Variants in COL24A1 observed in about 807,000 individuals in gnomAD.
COL24A1 encodes collagen alpha-1(XXIV) chain.
COL24A1 carries 224 observed loss-of-function variants against 253.9 expected under a neutral mutation model. The observed-to-expected ratio is 0.88, with a 90% CI of 0.79 to 0.99. The LOEUF is 0.99. Among genes scored for constraint, COL24A1 ranks in the 50% least tolerant of loss-of-function variants. The pLI is 0.00. For missense variants in COL24A1, 2,131 were observed against 2,068.5 expected (o/e 1.03, Z -0.59); for synonymous variants, 685 against 673.7 (o/e 1.02, Z -0.26).
At chr1:85,880,606 T>C (rs540024993) in intron 32 of COL24A1, among the ~76,000 whole-genome samples, 9 of 152,332 alleles carry the variant, frequency 5.9e-5, no homozygotes, top group Non-Finnish European at 1.0e-4. Flanking sequence ...TATTCCCTTG[T>C]TCTTAAAAGA....
chr1:85,823,767 A>T, intron 43 of COL24A1, 29 bp from the exon 44 acceptor site: 1 of 1,599,372 alleles, frequency 6.3e-7, no homozygotes, highest in South Asian at 1.1e-5. Flanking sequence ...ACATTATTAG[A>T]GTAAGTAGAG....
intron 24 of COL24A1, among the ~76,000 whole-genome samples, chr1:85,944,250 T>A (rs1489284272): frequency 6.6e-6 from 1 of 152,188 alleles, no homozygotes; most frequent in Non-Finnish European, 1.5e-5. Flanking sequence ...GTGACATAAG[T>A]TTTTATATAT....
intron 55 of COL24A1, among the ~76,000 whole-genome samples, chr1:85,758,703 G>A (rs754657268): frequency 6.6e-6 from 1 of 152,046 alleles, no homozygotes; most frequent in Non-Finnish European, 1.5e-5. Context: ...TTGACCCACA[G>A]TAAGAAATAC....
chr1:85,918,636 C>A (rs1686149354), intron 24 of COL24A1, among the ~76,000 whole-genome samples: 1 of 152,094 alleles, frequency 6.6e-6, no homozygotes, highest in Admixed American at 6.6e-5. Flanking sequence ...TGTGTACACA[C>A]TTGGAAATAA....
Position 86,127,073 on chromosome 1 carries a change from G to A in COL24A1, c.122-859C>T, listed in dbSNP as rs576792915. The stretch of plus-strand genomic sequence containing the variant: ...TCCCAATGCCTACTACCTTAAGTGT[G>A]TGCTACGCTTAAAGTATTCTGGTTA... On this transcript the variant is annotated intron_variant, in intron 2 of 59. Coordinates refer to ENST00000370571, the MANE Select transcript of COL24A1 (RefSeq NM_152890.7). Among the ~76,000 whole-genome samples, 6 of 152,212 alleles carry A rather than the reference G, an allele frequency of 3.9e-5. No individual in the cohort carries two copies. In the East Asian group the frequency reaches 1.2e-3, roughly 30 times the overall value.
At chr1:85,903,803 A>G (rs940258961) in intron 28 of COL24A1, among the ~76,000 whole-genome samples, 6 of 152,182 alleles carry the variant, frequency 3.9e-5, no homozygotes, top group African/African-American at 1.4e-4. Flanking sequence ...TGCCTAACTA[A>G]TTAGGCCTAG....
chr1:85,746,209 T>C (rs953055351), intron 55 of COL24A1, among the ~76,000 whole-genome samples: 3 of 152,200 alleles, frequency 2.0e-5, no homozygotes, highest in South Asian at 2.1e-4. Flanking sequence ...AGCAATTTAA[T>C]TTCTTTCAGT....
At chr1:85,917,731 C>T (rs1453097231) in intron 24 of COL24A1, among the ~76,000 whole-genome samples, 1 of 152,030 alleles carries the variant, frequency 6.6e-6, no homozygotes, top group Non-Finnish European at 1.5e-5. Context: ...TGCTCTGTCG[C>T]CCAGGCTGGA....
At chr1:85,771,760 T>A (rs1206436532) in intron 53 of COL24A1, among the ~76,000 whole-genome samples, 1 of 146,184 alleles carries the variant, frequency 6.8e-6, no homozygotes, top group Non-Finnish European at 1.5e-5. Flanking sequence ...CTCTCCAGCA[T>A]CTGTTGTTGC....
chr1:86,000,536 A>G (rs1430855906), intron 19 of COL24A1, among the ~76,000 whole-genome samples: 1 of 152,218 alleles, frequency 6.6e-6, no homozygotes, highest in Non-Finnish European at 1.5e-5. Context: ...TAAATTGTTT[A>G]GGCAAAGGGA....
chr1:86,154,779 G>A (rs1653275523), intron 1 of COL24A1: 1 of 153,406 alleles, frequency 6.5e-6, no homozygotes, highest in Non-Finnish European at 1.5e-5. Context: ...AAGCCCTCGG[G>A]GCAGGAGCTG....
chr1:86,113,281 G>T (rs962815242), intron 4 of COL24A1, among the ~76,000 whole-genome samples: 1 of 152,028 alleles, frequency 6.6e-6, no homozygotes, highest in Non-Finnish European at 1.5e-5. Context: ...AAACTTAAGC[G>T]CATACAACCA....
intron 19 of COL24A1, among the ~76,000 whole-genome samples, chr1:86,007,144 G>C (rs964627509): frequency 1.3e-4 from 20 of 152,106 alleles, no homozygotes; most frequent in Non-Finnish European, 2.8e-4. Context: ...GAGCCCAGGA[G>C]GTTGAGGCGA....
At chr1:85,737,157 A>T (rs762827225) in intron 58 of COL24A1, among the ~76,000 whole-genome samples, 27 of 152,348 alleles carry the variant, frequency 1.8e-4, no homozygotes, top group Non-Finnish European at 3.7e-4. Context: ...TTTAAAAAAC[A>T]TGATCAGTAG....
rs186824087 is a variant in COL24A1 at position 85,900,149 on chromosome 1, T to C, written c.2779-3740A>G. On this transcript the variant is annotated intron_variant, in intron 28 of 59. Transcript: ENST00000370571. ...AATAATAACCACTCATTTTATGTTT[T>C]ACATTTAAAAAATACTTTTACTACT... Among the ~76,000 whole-genome samples, 15 of 152,304 alleles carry C rather than the reference T, an allele frequency of 9.8e-5. No individual in the cohort carries two copies. In the East Asian group the frequency reaches 2.5e-3, roughly 25 times the overall value.
chr1:85,926,168 G>T (rs1304535695), intron 24 of COL24A1, among the ~76,000 whole-genome samples: 5 of 152,156 alleles, frequency 3.3e-5, no homozygotes, highest in Admixed American at 3.3e-4. Flanking sequence ...TAAAAAGTCA[G>T]GAAACAACAG....
chr1:85,849,420 T>C lies in COL24A1; in HGVS notation c.3301-14A>G, dbSNP rs749024602. 3.1e-6 allele frequency: 5 copies of C among 1,596,716 alleles called. No individual in the cohort carries two copies. Among genetic ancestry groups the C allele is most frequent in the Non-Finnish European group, 4.3e-6 (5 of 1,166,394 alleles). On this transcript the variant is annotated splice_polypyrimidine_tract_variant and intron_variant, in intron 37 of 59. Coordinates refer to ENST00000370571, the MANE Select transcript of COL24A1 (RefSeq NM_152890.7). ...TCCTTCAGGTCCCTAAAATATTCAA[T>C]ATAAAAAAGGAAATAAATGGTTAAA... is the stretch of plus-strand genomic sequence containing the variant.
At chr1:85,971,277 T>C (rs1558849509) in intron 21 of COL24A1, 63 bp downstream of exon 21, 1 of 1,429,734 alleles carries the variant, frequency 7.0e-7, no homozygotes, top group Non-Finnish European at 9.7e-7. Context: ...CCACAATAAA[T>C]AAAAAGGGAA....
intron 55 of COL24A1, among the ~76,000 whole-genome samples, chr1:85,758,424 C>A (rs569630822): frequency 6.6e-6 from 1 of 152,148 alleles, no homozygotes; most frequent in East Asian, 1.9e-4. Context: ...CATATAGACA[C>A]CCTGTTCTTC....
Sources: gnomAD v4.1 joint callset for allele counts (sites outside exome capture counted in the v4.1 genomes callset) on GRCh38, gnomAD v4.1.1 for gene constraint, MANE v1.5 for transcripts, NCBI Gene and HGNC (gene_info 2026-07-23, HGNC 2026-07-21) for gene names.